Variants in HDAC9 observed in about 807,000 individuals in gnomAD.
The protein encoded by HDAC9 is MEF-2 interacting transcription repressor (MITR) protein.
HDAC9 carries 41 observed loss-of-function variants against 139.4 expected under a neutral mutation model. The ratio of observed to expected loss-of-function variants is 0.29; its 90% CI spans 0.23 to 0.38. The LOEUF (loss-of-function observed/expected upper bound fraction) is 0.38, where lower values mean the gene tolerates loss of function less well. Ranked by LOEUF, HDAC9 falls within the 10% of genes least tolerant of loss-of-function variation. The pLI, the probability that HDAC9 is intolerant of heterozygous loss-of-function variation, is 1.00. For synonymous variants in HDAC9, 517 were observed against 476.2 expected (o/e 1.09, Z -1.12); for missense variants, 1,147 against 1,297.0 (o/e 0.88, Z 1.78).
intron 1 of HDAC9, chr7:18,430,364 C>T (rs1375020686): frequency 2.0e-5 from 3 of 152,168 alleles, no homozygotes; most frequent in Non-Finnish European, 1.5e-5. Flanking sequence ...GATGGGACCA[C>T]AAGTACGTGC....
At chr7:18,280,103 G>T (rs534088330) in intron 2 of HDAC9, among the ~76,000 whole-genome samples, 2 of 152,240 alleles carry the variant, frequency 1.3e-5, no homozygotes, top group South Asian at 2.1e-4. Flanking sequence ...GAAATAAAAT[G>T]AATATTGAAA....
At chr7:18,986,586 A>AT (rs1055250220) in intron 25 of HDAC9, among the ~76,000 whole-genome samples, 2 of 141,884 alleles carry the variant, frequency 1.4e-5, no homozygotes, top group African/African-American at 5.0e-5. Flanking sequence ...ACTTTAAAGT[A>AT]TTTTTTTCCA....
At chr7:18,968,332 A>T (rs1784017786) in intron 24 of HDAC9, among the ~76,000 whole-genome samples, 2 of 152,194 alleles carry the variant, frequency 1.3e-5, no homozygotes, top group African/African-American at 2.4e-5. Flanking sequence ...TAGAAATCAA[A>T]AATATTCAAT....
At chr7:18,507,580 C>T (rs1051921947) in intron 2 of HDAC9, among the ~76,000 whole-genome samples, 1 of 151,934 alleles carries the variant, frequency 6.6e-6, no homozygotes, top group East Asian at 1.9e-4. Context: ...TTGTAACCTC[C>T]GCCTCCCGGG....
chr7:18,838,337 G>A (rs1370079318), intron 21 of HDAC9, among the ~76,000 whole-genome samples: 1 of 152,036 alleles, frequency 6.6e-6, no homozygotes, highest in African/African-American at 2.4e-5. Flanking sequence ...TTTCAGGAAA[G>A]GTTTCATCAA....
At chr7:18,978,608 C>T (rs561804237) in intron 25 of HDAC9, among the ~76,000 whole-genome samples, 1 of 152,076 alleles carries the variant, frequency 6.6e-6, no homozygotes, top group African/African-American at 2.4e-5. Context: ...CACAAAAAAT[C>T]TTGAAGGGAT....
intron 6 of HDAC9, among the ~76,000 whole-genome samples, chr7:18,601,037 G>A (rs1833808273): frequency 1.3e-5 from 2 of 152,044 alleles, no homozygotes; most frequent in Admixed American, 6.6e-5. Flanking sequence ...GACTTTAACT[G>A]GGATTATGCT....
intron 21 of HDAC9, among the ~76,000 whole-genome samples, chr7:18,839,553 C>G (rs963210706): frequency 6.6e-6 from 1 of 152,076 alleles, no homozygotes; most frequent in Admixed American, 6.6e-5. Flanking sequence ...ATGAATGAAT[C>G]AGAGAAGAAA....
intron 2 of HDAC9, among the ~76,000 whole-genome samples, chr7:18,563,490 A>T (rs934489267): frequency 2.0e-5 from 3 of 152,090 alleles, no homozygotes; most frequent in Non-Finnish European, 4.4e-5. Context: ...ATCCCCTAAT[A>T]TCTTTTACTC....
chr7:18,276,584 A>G (rs1042535046), intron 2 of HDAC9, among the ~76,000 whole-genome samples: 5 of 152,158 alleles, frequency 3.3e-5, no homozygotes, highest in African/African-American at 1.2e-4. Context: ...GCAGCATATT[A>G]TGTCTCCTGA....
At chr7:18,904,711 G>A (rs1319158544) in intron 22 of HDAC9, among the ~76,000 whole-genome samples, 2 of 150,550 alleles carry the variant, frequency 1.3e-5, no homozygotes, top group Non-Finnish European at 3.0e-5. Flanking sequence ...GAGTAGCTGG[G>A]ACTACAGGCA....
intron 23 of HDAC9, among the ~76,000 whole-genome samples, chr7:18,938,384 A>G (rs1418493208): frequency 6.6e-6 from 1 of 152,114 alleles, no homozygotes; most frequent in African/African-American, 2.4e-5. Context: ...TCACGAGGTC[A>G]TGAGATCAAG....
In HDAC9 at chr7:18,945,838, A is replaced by G. The variant is rs372457550; in HGVS notation, c.2938-8308A>G. 7.6e-4 allele frequency among the ~76,000 whole-genome samples: 115 copies of G among 151,960 alleles called. 1 individual carries two copies. The South Asian group carries it at 0.019, about 26-fold the overall frequency. ...CGAATCACGAGGTCAGAAGTTTGAG[A>G]CCATCCTAACCAACATGGTGAAACC... is the stretch of plus-strand genomic sequence containing the variant. On this transcript the variant is annotated intron_variant, in intron 23 of 25. Coordinates refer to ENST00000686413, the MANE Select transcript of HDAC9 (RefSeq NM_178425.4).
intron 2 of HDAC9, 103 bp from the exon 3 acceptor site, chr7:18,585,178 G>C (rs10228641): frequency 6.1e-6 from 8 of 1,307,324 alleles, no homozygotes; most frequent in Non-Finnish European, 8.5e-6. Flanking sequence ...AAAATTTGTT[G>C]TACAGGGTCT....
intron 6 of HDAC9, among the ~76,000 whole-genome samples, chr7:18,621,316 C>G (rs2128943605): frequency 6.6e-6 from 1 of 151,794 alleles, no homozygotes; most frequent in South Asian, 2.1e-4. Context: ...AGAGTATACA[C>G]AAATTTTCCC....
At chr7:18,577,593 A>G (rs985236619) in intron 2 of HDAC9, among the ~76,000 whole-genome samples, 3 of 152,140 alleles carry the variant, frequency 2.0e-5, no homozygotes, top group Admixed American at 6.5e-5. Flanking sequence ...TTTTATATGT[A>G]CTTTATGTGA....
intron 1 of HDAC9, among the ~76,000 whole-genome samples, chr7:18,450,075 A>G (rs1393176816): frequency 6.6e-6 from 1 of 152,212 alleles, no homozygotes; most frequent in Non-Finnish European, 1.5e-5. Context: ...TTGAGGCTGC[A>G]TGGCCACTTA....
intron 22 of HDAC9, among the ~76,000 whole-genome samples, chr7:18,912,910 T>G (rs1034860801): frequency 6.6e-6 from 1 of 152,106 alleles, no homozygotes. Context: ...TTGAAATGTA[T>G]GTTCTGCTAG....
intron 2 of HDAC9, among the ~76,000 whole-genome samples, chr7:18,209,052 GTTTA>G (rs1358930337): frequency 6.6e-6 from 1 of 152,044 alleles, no homozygotes; most frequent in African/African-American, 2.4e-5. Flanking sequence ...ATTTTATTTT[GTTTA>G]TTTATTATGT....
Sources: gnomAD v4.1 joint callset for allele counts (sites outside exome capture counted in the v4.1 genomes callset) on GRCh38, gnomAD v4.1.1 for gene constraint, MANE v1.5 for transcripts, NCBI Gene and HGNC (gene_info 2026-07-23, HGNC 2026-07-21) for gene names.